ADAM32: variants seen among roughly 807,000 people sequenced by gnomAD.
The protein encoded by ADAM32 is disintegrin and metalloproteinase domain-containing protein 32.
Under a neutral mutation model 114.9 loss-of-function variants are expected in ADAM32, and 89 were observed. That is an observed-to-expected ratio of 0.77 (90% confidence interval 0.65 to 0.92). The LOEUF (loss-of-function observed/expected upper bound fraction) is 0.92. Ranked by LOEUF, ADAM32 falls within the 40% of genes least tolerant of loss-of-function variation. The probability of loss-of-function intolerance (pLI) is 0.00; values close to 1 mark genes in which losing one functional copy is unlikely to be tolerated. For missense variants in ADAM32, 870 were observed against 932.8 expected, an observed-to-expected ratio of 0.93 and a Z score of 0.88; for synonymous variants, 285 against 307.5, an observed-to-expected ratio of 0.93 and a Z score of 0.77.
chr8:39,140,046 G>T (rs577990396), intron 3 of ADAM32, among the ~76,000 whole-genome samples: 3 of 152,320 alleles, frequency 2.0e-5, no homozygotes, highest in African/African-American at 2.4e-5. Flanking sequence ...CTTTGCTGAA[G>T]TTACTTATCA....
Position 39,192,308 on chromosome 8 carries a change from T to A in ADAM32, c.1052+5263T>A, listed in dbSNP as rs546606942. Among the ~76,000 whole-genome samples, 3 of 152,280 alleles carry A rather than the reference T, an allele frequency of 2.0e-5. 1 individual carries two copies. In the South Asian group the frequency reaches 6.2e-4, roughly 32 times the overall value. ...TTTTTTTATCTTTGTCGGTTTAAAG[T>A]CTGTTTGCCTGAAATTAGGACTGCA... On this transcript the variant is annotated intron_variant, in intron 11 of 24. Transcript: ENST00000379907.
chr8:39,275,713 T>C, intron 21 of ADAM32, 115 bp from the exon 22 acceptor site: 7 of 971,474 alleles, frequency 7.2e-6, no homozygotes, highest in Non-Finnish European at 1.0e-5. Flanking sequence ...TCAGTGGTGA[T>C]TCTTGGTAGA....
At chr8:39,150,638 G>C (rs1415265775) in intron 5 of ADAM32, among the ~76,000 whole-genome samples, 2 of 152,066 alleles carry the variant, frequency 1.3e-5, no homozygotes, top group African/African-American at 4.8e-5. Flanking sequence ...TTGTAGTGTA[G>C]GGTGTTTGTT....
intron 11 of ADAM32, among the ~76,000 whole-genome samples, chr8:39,192,947 A>AT (rs2129447468): frequency 6.6e-6 from 1 of 151,898 alleles, no homozygotes; most frequent in East Asian, 1.9e-4. Flanking sequence ...TGCCTTTAAC[A>AT]TTTTTTCTTT....
intron 19 of ADAM32, among the ~76,000 whole-genome samples, chr8:39,257,629 A>G (rs1196273518): frequency 6.6e-6 from 1 of 152,122 alleles, no homozygotes; most frequent in Non-Finnish European, 1.5e-5. Flanking sequence ...AAAGGGGATG[A>G]TCTGTATCAT....
At chr8:39,154,885 GT>G (rs34798678) in intron 6 of ADAM32, among the ~76,000 whole-genome samples, 10 of 148,192 alleles carry the variant, frequency 6.7e-5, no homozygotes, top group African/African-American at 1.2e-4. Context: ...CTTTTTGATG[GT>G]TTTTTTTTTC....
At chr8:39,145,814 C>T (rs1803472198) in intron 3 of ADAM32, among the ~76,000 whole-genome samples, 1 of 152,134 alleles carries the variant, frequency 6.6e-6, no homozygotes, top group South Asian at 2.1e-4. Flanking sequence ...TCACTGCAGC[C>T]TTGAACTCCT....
chr8:39,225,704 G>T (rs1052956520), intron 14 of ADAM32, among the ~76,000 whole-genome samples: 7 of 152,118 alleles, frequency 4.6e-5, no homozygotes, highest in African/African-American at 1.7e-4. Context: ...GAAATGCATG[G>T]AGGGTACACT....
intron 19 of ADAM32, among the ~76,000 whole-genome samples, chr8:39,267,859 A>G (rs1300826633): frequency 6.6e-6 from 1 of 152,182 alleles, no homozygotes; most frequent in Non-Finnish European, 1.5e-5. Flanking sequence ...TAGCCATTGC[A>G]ATGGGAAAGG....
chr8:39,245,037 A>G (rs954719910), intron 16 of ADAM32, among the ~76,000 whole-genome samples: 3 of 152,232 alleles, frequency 2.0e-5, no homozygotes, highest in Non-Finnish European at 4.4e-5. Context: ...GCTTCTGCAT[A>G]GCAAAAATAT....
chr8:39,122,454 TGTGAGAACATA>T (rs1297326861), intron 2 of ADAM32, among the ~76,000 whole-genome samples: 8 of 152,182 alleles, frequency 5.3e-5, no homozygotes, highest in African/African-American at 1.9e-4. Flanking sequence ...AAAAAGGCCA[TGTGAGAACATA>T]GTGAGAAAAG....
At chr8:39,283,771 CTTTTTTT>C in intron 24 of ADAM32, 147 bp downstream of exon 24, 1 of 241,342 alleles carries the variant, frequency 4.1e-6, no homozygotes. Context: ...TTCTTTTATT[CTTTTTTT>C]TTTTTTTTTT....
At chr8:39,144,681 A>C (rs1803394059) in intron 3 of ADAM32, among the ~76,000 whole-genome samples, 1 of 152,214 alleles carries the variant, frequency 6.6e-6, no homozygotes, top group Admixed American at 6.5e-5. Context: ...CATATATGAC[A>C]AAGCCATAGC....
At chr8:39,277,391 T>C (rs1028184722) in intron 22 of ADAM32, among the ~76,000 whole-genome samples, 3 of 152,236 alleles carry the variant, frequency 2.0e-5, no homozygotes, top group African/African-American at 4.8e-5. Flanking sequence ...GCTTTAGTGA[T>C]ATAACATCCA....
At chr8:39,256,439 T>C (rs564138257) in intron 18 of ADAM32, among the ~76,000 whole-genome samples, 3 of 152,124 alleles carry the variant, frequency 2.0e-5, no homozygotes, top group African/African-American at 7.2e-5. Flanking sequence ...GAAAAATCCA[T>C]CAATTTCTGC....
chr8:39,273,809 T>G (rs1245113876), intron 20 of ADAM32, among the ~76,000 whole-genome samples: 1 of 152,166 alleles, frequency 6.6e-6, no homozygotes, highest in Non-Finnish European at 1.5e-5. Flanking sequence ...TGTGATTTTT[T>G]TTTTTCAGCA....
At chr8:39,159,600 T>G (rs1000767143) in intron 6 of ADAM32, among the ~76,000 whole-genome samples, 1 of 152,236 alleles carries the variant, frequency 6.6e-6, no homozygotes, top group Non-Finnish European at 1.5e-5. Context: ...TTAGTGTGCT[T>G]GCTGCTTTTC....
chr8:39,217,425 T>C (rs545770464), intron 12 of ADAM32, among the ~76,000 whole-genome samples: 1 of 152,114 alleles, frequency 6.6e-6, no homozygotes, highest in African/African-American at 2.4e-5. Context: ...GTAGTTATGT[T>C]ATTATATTTT....
intron 14 of ADAM32, among the ~76,000 whole-genome samples, chr8:39,231,574 G>C (rs948537277): frequency 3.9e-5 from 6 of 152,114 alleles, no homozygotes; most frequent in South Asian, 2.1e-4. Flanking sequence ...GGAAAAAATA[G>C]ATAAATACAT....
Sources: allele counts gnomAD v4.1 joint callset (sites outside exome capture counted in the v4.1 genomes callset), GRCh38; gene constraint gnomAD v4.1.1; transcripts MANE v1.5; gene names NCBI Gene and HGNC (gene_info 2026-07-23, HGNC 2026-07-21).